Variants in MTUS1 observed in about 807,000 individuals in gnomAD.
MTUS1 encodes the protein microtubule-associated tumor suppressor 1.
MTUS1 carries 109 observed loss-of-function variants against 120.8 expected under a neutral mutation model. That is an observed-to-expected ratio of 0.90 (90% CI 0.77 to 1.06). The LOEUF is 1.06. Ranked by LOEUF, MTUS1 falls within the 50% of genes least tolerant of loss-of-function variation. The pLI is 0.00. For missense variants in MTUS1, 2,210 were observed against 1,486.3 expected, an observed-to-expected ratio of 1.49 and a Z score of -8.01; for synonymous variants, 737 against 550.5, an observed-to-expected ratio of 1.34 and a Z score of -4.74.
At chr8:17,650,445 T>G (rs968454746) in intron 12 of MTUS1, among the ~76,000 whole-genome samples, 2 of 152,226 alleles carry the variant, frequency 1.3e-5, no homozygotes, top group Admixed American at 6.5e-5. Flanking sequence ...GGGGCTACGT[T>G]GACTGGGCCA....
chr8:17,730,036 G>C (rs1482731902), intron 3 of MTUS1, among the ~76,000 whole-genome samples: 1 of 150,860 alleles, frequency 6.6e-6, no homozygotes, highest in African/African-American at 2.4e-5. Flanking sequence ...TGTTGGCAAG[G>C]ACACGGAGAA....
chr8:17,729,295 G>T (rs1454854516), intron 3 of MTUS1, among the ~76,000 whole-genome samples: 1 of 152,144 alleles, frequency 6.6e-6, no homozygotes, highest in Non-Finnish European at 1.5e-5. Flanking sequence ...GTGGCTGCAG[G>T]TCCACTTCCA....
chr8:17,775,415 G>T (rs1030032493), intron 1 of MTUS1, among the ~76,000 whole-genome samples: 8 of 152,034 alleles, frequency 5.3e-5, no homozygotes, highest in African/African-American at 1.9e-4. Flanking sequence ...TGCATCATGA[G>T]TATCTGAGAC....
Position 17,715,789 on chromosome 8 carries a change from G to C in MTUS1, c.2562C>G (p.His854Gln), listed in dbSNP as rs1822206288. The part of the protein sequence containing the change: ...LKPLVSRAHV[H>Q]LMKTPPKGPS... ...TACCTTTTGGAGGAGTTTTCATCAA[G>C]TGAACATGAGCCCTGGATACCAAAG... Residue 854 changes from histidine to glutamine, a missense_variant, in exon 5 of 15, where the codon CAC becomes CAG. By Grantham distance (24) the His-to-Gln change is conservative (BLOSUM62 0). Transcript: ENST00000693296. 6.2e-7 allele frequency: 1 copy of C among 1,613,062 alleles called. No individual in the cohort carries two copies. Among genetic ancestry groups the C allele is most frequent in the South Asian group, 1.1e-5 (1 of 90,840 alleles).
At chr8:17,693,004 T>C (rs530681761) in intron 6 of MTUS1, among the ~76,000 whole-genome samples, 1 of 152,332 alleles carries the variant, frequency 6.6e-6, no homozygotes, top group African/African-American at 2.4e-5. Flanking sequence ...ATTCTGTCTT[T>C]AGCGTACTGA....
intron 4 of MTUS1, among the ~76,000 whole-genome samples, chr8:17,717,324 T>C (rs1585917466): frequency 6.6e-6 from 1 of 152,164 alleles, no homozygotes; most frequent in Admixed American, 6.5e-5. Context: ...AGGAAGCTAA[T>C]GGGAGTGACA....
At chr8:17,689,778 T>C (rs3850742) in intron 6 of MTUS1, among the ~76,000 whole-genome samples, 81,672 of 151,918 alleles carry the variant, frequency 0.54, 25,175 homozygotes, top group Non-Finnish European at 0.68. Flanking sequence ...CAAAAATACA[T>C]ACAATGGGGA....
At chr8:17,742,288 G>GTTTTTTTTTTTTTTTTTTTT (rs1362170650) in intron 3 of MTUS1, among the ~76,000 whole-genome samples, 4 of 67,568 alleles carry the variant, frequency 5.9e-5, no homozygotes, top group African/African-American at 1.5e-4. Flanking sequence ...TTTTGTTGTT[G>GTTTTTTTTTTTTTTTTTTTT]TTGTTTTTTT....
At chr8:17,743,938 C>G (rs2047534351) in intron 2 of MTUS1, 139 bp from the exon 3 acceptor site, 1 of 652,222 alleles carries the variant, frequency 1.5e-6, no homozygotes, top group Non-Finnish European at 2.6e-6. Context: ...GCAAAGAGGT[C>G]AGACATGCCT....
intron 1 of MTUS1, among the ~76,000 whole-genome samples, chr8:17,768,532 T>TA (rs11302658): frequency 1.3e-5 from 2 of 150,350 alleles, no homozygotes; most frequent in African/African-American, 4.9e-5. Flanking sequence ...TATGCCATGG[T>TA]AAAAAAAAAA....
At chr8:17,772,675 G>C (rs1444150624) in intron 1 of MTUS1, among the ~76,000 whole-genome samples, 1 of 152,196 alleles carries the variant, frequency 6.6e-6, no homozygotes, top group Non-Finnish European at 1.5e-5. Context: ...GACAAAGTAT[G>C]TTCAACTTCT....
chr8:17,751,265 C>G (rs1162146348), intron 2 of MTUS1, among the ~76,000 whole-genome samples: 1 of 152,144 alleles, frequency 6.6e-6, no homozygotes, highest in Non-Finnish European at 1.5e-5. Context: ...CGCCACTGCA[C>G]TCCATCCTGG....
intron 6 of MTUS1, among the ~76,000 whole-genome samples, chr8:17,690,954 T>C (rs1004766067): frequency 3.3e-5 from 5 of 150,856 alleles, no homozygotes; most frequent in African/African-American, 9.8e-5. Context: ...TAAAATATTA[T>C]TCTTAGCTCT....
At chr8:17,723,376 T>C (rs1420916526) in intron 4 of MTUS1, 1 of 417,382 alleles carries the variant, frequency 2.4e-6, no homozygotes, top group African/African-American at 2.0e-5. Context: ...TTTTTTCTGA[T>C]TCCAGTTAGA....
chr8:17,707,034 G>C (rs946019423), intron 6 of MTUS1, among the ~76,000 whole-genome samples: 1 of 152,060 alleles, frequency 6.6e-6, no homozygotes, highest in African/African-American at 2.4e-5. Flanking sequence ...ACTACTTACA[G>C]CTTTAAAATA....
intron 1 of MTUS1, among the ~76,000 whole-genome samples, chr8:17,777,906 G>A (rs527962353): frequency 6.6e-6 from 1 of 152,170 alleles, no homozygotes; most frequent in South Asian, 2.1e-4. Context: ...TCAATAAAAT[G>A]CAACTATTTA....
chr8:17,658,772 A>G (rs1427760840), intron 8 of MTUS1, among the ~76,000 whole-genome samples: 1 of 152,204 alleles, frequency 6.6e-6, no homozygotes, highest in Non-Finnish European at 1.5e-5. Flanking sequence ...AAGATTTCCT[A>G]CAATGGTGTC....
At chr8:17,667,046 G>C (rs1811071100) in intron 8 of MTUS1, among the ~76,000 whole-genome samples, 1 of 152,206 alleles carries the variant, frequency 6.6e-6, no homozygotes, top group Admixed American at 6.5e-5. Flanking sequence ...CCCAAGTTGA[G>C]AGACTGGAGT....
In MTUS1 at chr8:17,645,947, G is replaced by C; in HGVS notation, c.3792C>G (p.Ser1264Arg). ...QSPRNSGSFP[S>R]PSISPR The stretch of plus-strand genomic sequence containing the variant: ...GGTGTCATCTGGGTGAAATGCTGGG[G>C]CTAGGGAAGGAGCCCGAATTCCTTG... The change falls in exon 15 of 15, where the codon AGC becomes AGG. Residue 1264 changes from serine to arginine, a missense_variant. Ser to Arg is a moderately radical substitution (Grantham distance 110, BLOSUM62 -1). Coordinates refer to ENST00000693296, the MANE Select transcript of MTUS1 (RefSeq NM_001363059.2). The C allele has an allele frequency of 6.2e-7, 1 of 1,612,162 alleles. No homozygotes were observed. The highest frequency in any genetic ancestry group is 8.5e-7 in the Non-Finnish European group (1 of 1,179,796).
Sources: allele counts gnomAD v4.1 joint callset (sites outside exome capture counted in the v4.1 genomes callset), GRCh38; gene constraint gnomAD v4.1.1; transcripts MANE v1.5; gene names NCBI Gene and HGNC (gene_info 2026-07-23, HGNC 2026-07-21).